ITGA11: variants seen among roughly 807,000 people sequenced by gnomAD.
The protein encoded by ITGA11 is integrin alpha-11.
ITGA11 carries 97 observed loss-of-function variants against 141.9 expected under a neutral mutation model. That is an observed-to-expected ratio of 0.68 (90% CI 0.58 to 0.81). The LOEUF is 0.81. Among genes scored for constraint, ITGA11 ranks in the 30% least tolerant of loss-of-function variants. The pLI, the probability that ITGA11 is intolerant of heterozygous loss-of-function variation, is 0.00. For synonymous variants in ITGA11, 658 were observed against 624.6 expected, an observed-to-expected ratio of 1.05 and a Z score of -0.80; for missense variants, 1,387 against 1,559.2, an observed-to-expected ratio of 0.89 and a Z score of 1.86.
At chr15:68,320,914 G>A (rs938687599) in intron 19 of ITGA11, among the ~76,000 whole-genome samples, 3 of 152,174 alleles carry the variant, frequency 2.0e-5, no homozygotes, top group Non-Finnish European at 4.4e-5. Context: ...CATAAATTAA[G>A]AATATGATAT....
Position 68,325,356 on chromosome 15 carries a change from CTG to C in ITGA11, c.2212-117_2212-116del. 6 of 723,754 alleles carry C rather than the reference CTG, an allele frequency of 8.3e-6. No individual in the cohort carries two copies. The highest frequency in any genetic ancestry group is 1.5e-5 in the Non-Finnish European group (6 of 406,204). The allele number at this position is 723,754 out of a possible 1,614,324, so 44.8% of individuals were successfully genotyped here. ...TTCCTTAGATGGCAGGGCAGCTGCCCTGTGCCCTCAGGGTGAGTCTGCAGGTG... is the reference window on the plus strand; with the variant it reads ...TTCCTTAGATGGCAGGGCAGCTGCCCTGCCCTCAGGGTGAGTCTGCAGGTG... On this transcript the variant is annotated intron_variant, in intron 17 of 29. Coordinates refer to ENST00000315757, the MANE Select transcript of ITGA11 (RefSeq NM_001004439.2). This position sits in a 1 kb window ranked among gnomAD's most constrained non-coding sequence, Gnocchi z 5.5.
At chr15:68,306,569 G>C (rs2140264311) in intron 28 of ITGA11, among the ~76,000 whole-genome samples, 1 of 152,256 alleles carries the variant, frequency 6.6e-6, no homozygotes, top group Non-Finnish European at 1.5e-5. Flanking sequence ...TTCCCCTTTG[G>C]GGCCCAAGCC....
chr15:68,381,444 A>G (rs1895858894), intron 2 of ITGA11, among the ~76,000 whole-genome samples: 1 of 152,150 alleles, frequency 6.6e-6, no homozygotes, highest in Non-Finnish European at 1.5e-5. Context: ...TAAACAAATA[A>G]ATGGATGCAT....
In ITGA11 at chr15:68,312,799, C is replaced by T. The variant is rs771320002; in HGVS notation, c.2947G>A (p.Gly983Arg). 4.4e-5 allele frequency: 71 copies of T among 1,613,474 alleles called. No homozygotes were observed. Among genetic ancestry groups the T allele is most frequent in the Admixed American group, 6.7e-5 (4 of 59,990 alleles). Residue 983 changes from glycine (G) to arginine (R), a missense_variant, in exon 24 of 30, where the codon GGG becomes AGG. Coordinates refer to ENST00000315757, the MANE Select transcript of ITGA11 (RefSeq NM_001004439.2). ...NSSLERYDGI[G>R]PPFSCIFRIQ... ...CTGAAGATGCAGCTGAAGGGAGGCC[C>T]GATACCATCGTATCTCTCCAGCGAG...
chr15:68,421,671 C>A, intron 1 of ITGA11, among the ~76,000 whole-genome samples: 1 of 133,798 alleles, frequency 7.5e-6, no homozygotes, highest in African/African-American at 2.8e-5. Context: ...GAGATCAGAG[C>A]CTTCACACAA....
intron 7 of ITGA11, among the ~76,000 whole-genome samples, chr15:68,355,448 TTTTTTTC>T (rs1344792023): frequency 1.4e-5 from 2 of 144,856 alleles, no homozygotes; most frequent in Non-Finnish European, 3.1e-5. Context: ...TCTTTTTTTC[TTTTTTTC>T]TTTTTTTTTT....
rs1273043791 is a variant in ITGA11, at chr15:68,305,409, C to T, written c.3382-1524G>A. Among the ~76,000 whole-genome samples the T allele has an allele frequency of 6.6e-6, 1 of 152,174 alleles. No homozygotes were observed. Among genetic ancestry groups the T allele is most frequent in the Non-Finnish European group, 1.5e-5 (1 of 68,032 alleles). Reference sequence around the variant, plus strand: ...ATAACGTTTATATTTATGTTTATTGCCTGCCTGGAATGTCAGCTGTAGGAG... The same window carrying T: ...ATAACGTTTATATTTATGTTTATTGTCTGCCTGGAATGTCAGCTGTAGGAG... On this transcript the variant is annotated intron_variant, in intron 28 of 29. Transcript: ENST00000315757. This position sits in a 1 kb window ranked among gnomAD's most constrained non-coding sequence, Gnocchi z 4.6.
chr15:68,368,860 CTTT>C (rs34788905), intron 3 of ITGA11, among the ~76,000 whole-genome samples: 1 of 134,848 alleles, frequency 7.4e-6, no homozygotes, highest in Non-Finnish European at 1.5e-5. Context: ...ACAGGAAGTC[CTTT>C]TTTTTTTTTT....
intron 1 of ITGA11, among the ~76,000 whole-genome samples, chr15:68,407,003 C>T (rs954242955): frequency 2.4e-4 from 36 of 152,234 alleles, no homozygotes; most frequent in Middle Eastern, 3.4e-3. Flanking sequence ...CTTGGGGTGC[C>T]GGGGTGATGT....
At chr15:68,342,535 C>G (rs1198546701) in intron 10 of ITGA11, among the ~76,000 whole-genome samples, 1 of 152,252 alleles carries the variant, frequency 6.6e-6, no homozygotes, top group African/African-American at 2.4e-5. Context: ...CAACTCAGCT[C>G]TCAGCTGCCC....
At chr15:68,383,952 GCTT>G (rs998746999) in intron 2 of ITGA11, among the ~76,000 whole-genome samples, 1 of 152,128 alleles carries the variant, frequency 6.6e-6, no homozygotes, top group Non-Finnish European at 1.5e-5. Flanking sequence ...AACCCCTCTG[GCTT>G]TCCTGAACTG....
At position 68,335,911 on chromosome 15, in the gene ITGA11, G is replaced by A; in HGVS notation, c.1277-66C>T. On this transcript the variant is annotated intron_variant, in intron 11 of 29. Coordinates refer to ENST00000315757, the MANE Select transcript of ITGA11 (RefSeq NM_001004439.2). The surrounding 1 kb of genome is among the most constrained non-coding windows in gnomAD (Gnocchi z 4.9). ...CTCAGCAGGCGTTGCTTGGCCCGGT[G>A]CATGGCTTGGCAGTGCCAGAGGATG... The A allele has an allele frequency of 6.5e-7, 1 of 1,546,780 alleles. No homozygotes were observed. The highest frequency in any genetic ancestry group is 8.8e-7 in the Non-Finnish European group (1 of 1,141,066).
intron 2 of ITGA11, among the ~76,000 whole-genome samples, chr15:68,371,574 T>C (rs4776401): frequency 0.98 from 149,193 of 152,104 alleles, 73,234 homozygotes; most frequent in East Asian, 1. Context: ...AAAAAGTAGC[T>C]GGGCGTGGTG....
intron 20 of ITGA11, among the ~76,000 whole-genome samples, chr15:68,318,347 G>T (rs990240322): frequency 5.9e-5 from 9 of 152,190 alleles, no homozygotes; most frequent in Admixed American, 5.9e-4. Flanking sequence ...CATGAGACTG[G>T]CCTTGTGAAG....
chr15:68,319,867 C>G (rs1415704311), intron 20 of ITGA11, among the ~76,000 whole-genome samples: 1 of 152,166 alleles, frequency 6.6e-6, no homozygotes, highest in South Asian at 2.1e-4. Context: ...CCAGGCCCAA[C>G]CCCAGAGCAA....
chr15:68,344,886 T>C (rs957907307), intron 10 of ITGA11, among the ~76,000 whole-genome samples: 9 of 152,180 alleles, frequency 5.9e-5, no homozygotes, highest in African/African-American at 2.2e-4. Flanking sequence ...TGTAAACTTT[T>C]GGAGTTAGGG....
chr15:68,368,517 G>C (rs969765736), intron 3 of ITGA11, among the ~76,000 whole-genome samples: 5 of 152,210 alleles, frequency 3.3e-5, no homozygotes, highest in African/African-American at 1.2e-4. Flanking sequence ...CGGAGGCTGG[G>C]GGCTGTTCAC....
Position 68,307,760 on chromosome 15 carries a change from T to A in ITGA11, c.3175-64A>T, listed in dbSNP as rs1893250093. 3 of 1,107,828 alleles carry A rather than the reference T, an allele frequency of 2.7e-6. No homozygotes were observed. In the South Asian group the frequency reaches 4.0e-5, roughly 15 times the overall value. The allele number at this position is 1,107,828 out of a possible 1,614,324, so 68.6% of individuals were successfully genotyped here. ...CTAGGGGAGCAGGGGGCAGCAACAC[T>A]GCTTGAACGACTGGGGCTCTGCTCC... On this transcript the variant is annotated intron_variant, in intron 26 of 29. Coordinates refer to ENST00000315757, the MANE Select transcript of ITGA11 (RefSeq NM_001004439.2). The surrounding 1 kb of genome is among the most constrained non-coding windows in gnomAD (Gnocchi z 6.1).
intron 2 of ITGA11, among the ~76,000 whole-genome samples, chr15:68,374,376 C>G (rs891668103): frequency 2.0e-5 from 1 of 50,242 alleles, no homozygotes; most frequent in Non-Finnish European, 4.1e-5. Flanking sequence ...GAACAGGCCT[C>G]GAGACATCAG....
Sources: allele counts gnomAD v4.1 joint callset (sites outside exome capture counted in the v4.1 genomes callset), GRCh38; gene constraint gnomAD v4.1.1; non-coding constraint Gnocchi (gnomAD v3.1); transcripts MANE v1.5; gene names NCBI Gene and HGNC (gene_info 2026-07-23, HGNC 2026-07-21).